Variants in ADGRL2 observed in about 807,000 individuals in gnomAD.
ADGRL2 encodes adhesion G protein-coupled receptor L2, also known as calcium-independent alpha-latrotoxin receptor 2.
A neutral mutation model predicts 157.4 loss-of-function variants in ADGRL2; 44 were observed. The observed-to-expected ratio is 0.28, with a 90% CI of 0.22 to 0.36. ADGRL2 has a LOEUF of 0.36. Ranked by LOEUF, ADGRL2 falls within the 10% of genes least tolerant of loss-of-function variation. ADGRL2 has a pLI of 1.00. For synonymous variants in ADGRL2, 585 were observed against 624.7 expected (o/e 0.94, Z 0.95); for missense variants, 1,510 against 1,768.9 (o/e 0.85, Z 2.63).
intron 1 of ADGRL2, chr1:81,723,144 C>T (rs1168112832): frequency 4.8e-6 from 3 of 628,670 alleles, no homozygotes; most frequent in East Asian, 5.4e-5. Context: ...CGCAATAATA[C>T]AAACCAGTGT....
intron 1 of ADGRL2, among the ~76,000 whole-genome samples, chr1:81,422,187 CTT>C (rs33976349): frequency 0.38 from 57,747 of 151,606 alleles, 11,121 homozygotes; most frequent in East Asian, 0.49. Flanking sequence ...TCTCAAACTT[CTT>C]TTTTTTTTAA....
chr1:81,308,196 G>A (rs1659486306), intron 1 of ADGRL2, among the ~76,000 whole-genome samples: 1 of 152,140 alleles, frequency 6.6e-6, no homozygotes. Flanking sequence ...GAAATGCCGA[G>A]TTGTAAAGTA....
intron 1 of ADGRL2, among the ~76,000 whole-genome samples, chr1:81,725,999 A>G (rs1423689245): frequency 6.6e-6 from 1 of 152,138 alleles, no homozygotes; most frequent in South Asian, 2.1e-4. Flanking sequence ...AACAAAACAA[A>G]ACAAAACAAA....
At chr1:81,507,974 TC>T (rs1406479698) in intron 2 of ADGRL2, among the ~76,000 whole-genome samples, 1 of 152,244 alleles carries the variant, frequency 6.6e-6, no homozygotes, top group Non-Finnish European at 1.5e-5. Flanking sequence ...ATTTCTTTTT[TC>T]TTTCCTTTCC....
chr1:81,401,983 G>GTT (rs2076765111), intron 1 of ADGRL2, among the ~76,000 whole-genome samples: 1 of 151,780 alleles, frequency 6.6e-6, no homozygotes, highest in African/African-American at 2.4e-5. Context: ...ATTAGTAATT[G>GTT]TTTGTTTGTT....
intron 2 of ADGRL2, among the ~76,000 whole-genome samples, chr1:81,463,729 G>A (rs961983058): frequency 2.6e-5 from 4 of 152,102 alleles, no homozygotes; most frequent in African/African-American, 9.7e-5. Context: ...TGAGCAATTG[G>A]CCCTCAACTA....
chr1:81,977,207 G>A (rs922895004), intron 17 of ADGRL2, among the ~76,000 whole-genome samples: 1 of 151,804 alleles, frequency 6.6e-6, no homozygotes, highest in Non-Finnish European at 1.5e-5. Context: ...TAGGATTGTA[G>A]CTGTATTTTT....
chr1:81,706,227 A>G (rs1033736677), intron 1 of ADGRL2, among the ~76,000 whole-genome samples: 1 of 127,904 alleles, frequency 7.8e-6, no homozygotes, highest in Non-Finnish European at 1.7e-5. Context: ...AAAAACAAAA[A>G]AATAAAAAAA....
At chr1:81,587,339 A>G (rs999852654) in intron 3 of ADGRL2, among the ~76,000 whole-genome samples, 6 of 152,074 alleles carry the variant, frequency 3.9e-5, no homozygotes, top group African/African-American at 1.4e-4. Context: ...TTGAGTTTGG[A>G]AAGAGGTATT....
intron 3 of ADGRL2, among the ~76,000 whole-genome samples, chr1:81,918,958 T>G (rs1006658961): frequency 9.8e-5 from 15 of 152,290 alleles, no homozygotes; most frequent in African/African-American, 3.6e-4. Flanking sequence ...TTGTTTTTTA[T>G]AGAAGGACCC....
intron 3 of ADGRL2, among the ~76,000 whole-genome samples, chr1:81,603,438 G>GTAT (rs1422836542): frequency 2.0e-5 from 3 of 152,160 alleles, no homozygotes; most frequent in Admixed American, 2.0e-4. Flanking sequence ...TAGATGCATA[G>GTAT]CTATGTAGTA....
intron 1 of ADGRL2, among the ~76,000 whole-genome samples, chr1:81,702,608 G>C (rs919739215): frequency 2.0e-5 from 3 of 152,156 alleles, no homozygotes; most frequent in Non-Finnish European, 2.9e-5. Context: ...TTATGGCTCT[G>C]TCATGGTCAG....
At chr1:81,802,925 G>T (rs1055705449) in intron 1 of ADGRL2, among the ~76,000 whole-genome samples, 15 of 152,202 alleles carry the variant, frequency 9.9e-5, no homozygotes, top group African/African-American at 3.6e-4. Flanking sequence ...CTACGATTGG[G>T]AGCGGCGGGG....
intron 1 of ADGRL2, among the ~76,000 whole-genome samples, chr1:81,825,465 C>T (rs929811565): frequency 6.6e-6 from 1 of 152,016 alleles, no homozygotes; most frequent in Non-Finnish European, 1.5e-5. Flanking sequence ...TCCCCTGCCT[C>T]AGCCTCCCAA....
intron 15 of ADGRL2, among the ~76,000 whole-genome samples, chr1:81,969,621 GA>G (rs1658139483): frequency 6.6e-6 from 1 of 151,978 alleles, no homozygotes; most frequent in Non-Finnish European, 1.5e-5. Context: ...TTTTTATTAA[GA>G]CATAATTTTA....
intron 1 of ADGRL2, among the ~76,000 whole-genome samples, chr1:81,757,059 T>G (rs1245972050): frequency 6.6e-6 from 1 of 152,156 alleles, no homozygotes; most frequent in Admixed American, 6.6e-5. Flanking sequence ...CTGTAGCTAA[T>G]GTTTGCTATC....
At chr1:81,498,961 A>C (rs2078786495) in intron 2 of ADGRL2, among the ~76,000 whole-genome samples, 1 of 152,242 alleles carries the variant, frequency 6.6e-6, no homozygotes, top group African/African-American at 2.4e-5. Flanking sequence ...AAATAGCTTC[A>C]GGCAGAGACA....
chr1:81,756,299 C>T (rs755227592), intron 1 of ADGRL2, among the ~76,000 whole-genome samples: 7 of 148,634 alleles, frequency 4.7e-5, no homozygotes, highest in Non-Finnish European at 1.0e-4. Context: ...AGGACAACAC[C>T]AATTCTATTC....
intron 3 of ADGRL2, among the ~76,000 whole-genome samples, chr1:81,920,264 A>G (rs547002174): frequency 2.0e-5 from 3 of 152,346 alleles, no homozygotes; most frequent in South Asian, 4.1e-4. Context: ...TGACATGTCA[A>G]TGTGTACAAG....
Sources: allele counts gnomAD v4.1 joint callset (sites outside exome capture counted in the v4.1 genomes callset), GRCh38; gene constraint gnomAD v4.1.1; transcripts MANE v1.5; gene names NCBI Gene and HGNC (gene_info 2026-07-23, HGNC 2026-07-21).